Variants in SPAG16 observed in about 807,000 individuals in gnomAD.
The protein encoded by SPAG16 is sperm-associated antigen 16 protein.
In SPAG16, 86 loss-of-function variants were observed where a neutral mutation model predicts 80.4. That is an observed-to-expected ratio of 1.07 (90% CI 0.90 to 1.28). The LOEUF is 1.28. Among genes scored for constraint, SPAG16 ranks in the 50% most tolerant of loss-of-function variants. The probability of loss-of-function intolerance (pLI) is 0.00; values close to 1 mark genes in which losing one functional copy is unlikely to be tolerated. For synonymous variants in SPAG16, 294 were observed against 265.9 expected (o/e 1.11, Z -1.03); for missense variants, 870 against 765.3 (o/e 1.14, Z -1.61).
intron 13 of SPAG16, among the ~76,000 whole-genome samples, chr2:214,057,682 T>C (rs2050018869): frequency 6.6e-6 from 1 of 152,198 alleles, no homozygotes; most frequent in Non-Finnish European, 1.5e-5. Context: ...TTCTCCTCTC[T>C]AGCTAAGAAA....
chr2:213,382,484 A>G (rs1373581074), intron 9 of SPAG16, among the ~76,000 whole-genome samples: 6 of 152,206 alleles, frequency 3.9e-5, no homozygotes, highest in African/African-American at 1.4e-4. Flanking sequence ...TAGGCTTCCT[A>G]TAGTATCTTC....
In SPAG16 at chr2:213,340,151, T is replaced by C. The variant is rs992734198; in HGVS notation, c.537-12T>C. On this transcript the variant is annotated splice_polypyrimidine_tract_variant and intron_variant, in intron 5 of 15. Transcript: ENST00000331683. ...TTAGCAGTGATTTATAAAGTTACTATTTTTTTTTCAGCAAAGCTAGAGAAG... is the reference window on the plus strand; with the variant it reads ...TTAGCAGTGATTTATAAAGTTACTACTTTTTTTTCAGCAAAGCTAGAGAAG... 2.4e-5 allele frequency: 36 copies of C among 1,499,032 alleles called. No individual in the cohort carries two copies. The highest frequency in any genetic ancestry group is 1.8e-4 in the Middle Eastern group (1 of 5,686). 92.9% of individuals were successfully genotyped at this position (1,499,032 alleles called of 1,614,324 possible). A position where few individuals can be genotyped will look rare whatever the true frequency, so the allele number is the denominator to read the frequency against.
intron 9 of SPAG16, among the ~76,000 whole-genome samples, chr2:213,462,320 CTT>C (rs2072420783): frequency 6.6e-6 from 1 of 152,202 alleles, no homozygotes; most frequent in Non-Finnish European, 1.5e-5. Context: ...TATATTCAGT[CTT>C]TACAAATTGA....
intron 10 of SPAG16, among the ~76,000 whole-genome samples, chr2:213,758,910 A>G (rs2068493435): frequency 1.3e-5 from 2 of 152,234 alleles, no homozygotes; most frequent in African/African-American, 4.8e-5. Context: ...TCTTAAAAGC[A>G]GCAGAAAAAC....
intron 10 of SPAG16, among the ~76,000 whole-genome samples, chr2:213,703,300 AC>A (rs1404621137): frequency 2.0e-5 from 3 of 152,124 alleles, no homozygotes; most frequent in South Asian, 4.1e-4. Context: ...ATTATTAGGA[AC>A]TTGGCTGTCC....
At chr2:214,216,457 G>T (rs998588968) in intron 15 of SPAG16, among the ~76,000 whole-genome samples, 10 of 152,146 alleles carry the variant, frequency 6.6e-5, no homozygotes, top group African/African-American at 2.4e-4. Context: ...AAGTAGCTGG[G>T]ATTACAGGCA....
At chr2:214,246,160 G>A (rs926129354) in intron 15 of SPAG16, among the ~76,000 whole-genome samples, 2 of 152,124 alleles carry the variant, frequency 1.3e-5, no homozygotes, top group Non-Finnish European at 2.9e-5. Flanking sequence ...GGAGATATAT[G>A]TTGTCTTTCT....
intron 10 of SPAG16, among the ~76,000 whole-genome samples, chr2:213,660,996 C>A (rs890797548): frequency 1.3e-5 from 2 of 151,658 alleles, no homozygotes; most frequent in Non-Finnish European, 1.5e-5. Flanking sequence ...GCACTCTTAA[C>A]TTGTCTTGTC....
chr2:213,418,572 T>G (rs996508378), intron 9 of SPAG16, among the ~76,000 whole-genome samples: 3 of 152,238 alleles, frequency 2.0e-5, no homozygotes, highest in African/African-American at 7.2e-5. Flanking sequence ...TCTTGATGAA[T>G]GCAGTATATT....
At chr2:213,937,791 ACATT>A (rs1324851285) in intron 12 of SPAG16, among the ~76,000 whole-genome samples, 1 of 152,074 alleles carries the variant, frequency 6.6e-6, no homozygotes, top group African/African-American at 2.4e-5. Context: ...AATCTCTCAC[ACATT>A]CAATATGGCT....
At chr2:213,995,700 C>T (rs772228586) in intron 12 of SPAG16, among the ~76,000 whole-genome samples, 13 of 152,226 alleles carry the variant, frequency 8.5e-5, no homozygotes, top group Non-Finnish European at 1.6e-4. Flanking sequence ...TGGTCATCTG[C>T]CCACTGCTGA....
chr2:213,862,813 G>C (rs1490676464), intron 11 of SPAG16, among the ~76,000 whole-genome samples, 185 bp downstream of exon 11: 1 of 152,112 alleles, frequency 6.6e-6, no homozygotes, highest in African/African-American at 2.4e-5. Context: ...GATTGTTTTT[G>C]ATATTTGGTA....
chr2:213,774,153 G>T (rs1288732007), intron 10 of SPAG16, among the ~76,000 whole-genome samples: 1 of 152,052 alleles, frequency 6.6e-6, no homozygotes, highest in African/African-American at 2.4e-5. Flanking sequence ...TCTTTATCTT[G>T]ACTATTTTTC....
chr2:214,135,731 C>G (rs1270619659), intron 14 of SPAG16, among the ~76,000 whole-genome samples: 9 of 151,138 alleles, frequency 6.0e-5, no homozygotes, highest in Admixed American at 2.0e-4. Context: ...CTGTCTCTCT[C>G]TCTCTCTCTC....
chr2:214,250,441 CAAATTCTCTAATA>C (rs1690166577), intron 15 of SPAG16, among the ~76,000 whole-genome samples: 2 of 151,004 alleles, frequency 1.3e-5, no homozygotes, highest in South Asian at 4.2e-4. Flanking sequence ...AATGAATTCA[CAAATTCTCTAATA>C]ATTATTCAGT....
chr2:213,749,637 A>G (rs545917660), intron 10 of SPAG16, among the ~76,000 whole-genome samples: 1 of 152,354 alleles, frequency 6.6e-6, no homozygotes, highest in Admixed American at 6.5e-5. Context: ...ACAAACTTAG[A>G]TTTAAACTGC....
intron 10 of SPAG16, among the ~76,000 whole-genome samples, chr2:213,779,635 A>G (rs933534679): frequency 1.3e-5 from 2 of 152,176 alleles, no homozygotes; most frequent in African/African-American, 2.4e-5. Context: ...GTGCCCTAGG[A>G]TCAGTAGTAG....
At chr2:214,266,043 C>T (rs148142724) in intron 15 of SPAG16, among the ~76,000 whole-genome samples, 15 of 152,006 alleles carry the variant, frequency 9.9e-5, no homozygotes, top group Non-Finnish European at 2.9e-5. Flanking sequence ...CCCCCAGGGT[C>T]TAAGACACTA....
intron 9 of SPAG16, among the ~76,000 whole-genome samples, chr2:213,467,797 C>G (rs996738570): frequency 7.9e-5 from 12 of 152,222 alleles, no homozygotes; most frequent in Admixed American, 5.9e-4. Flanking sequence ...TCCAATGGTT[C>G]CCTCCAGAGA....
Sources: gnomAD v4.1 joint callset for allele counts (sites outside exome capture counted in the v4.1 genomes callset) on GRCh38, gnomAD v4.1.1 for gene constraint, MANE v1.5 for transcripts, NCBI Gene and HGNC (gene_info 2026-07-23, HGNC 2026-07-21) for gene names.